The following ARHGAP15 variants were observed in gnomAD, a reference collection of about 807,000 sequenced individuals.
ARHGAP15 encodes the protein rho GTPase-activating protein 15.
ARHGAP15 carries 51 observed loss-of-function variants against 63.7 expected under a neutral mutation model. That is an observed-to-expected ratio of 0.80 (90% confidence interval 0.64 to 1.01). The LOEUF (loss-of-function observed/expected upper bound fraction) is 1.01, where lower values mean the gene tolerates loss of function less well. Ranked by LOEUF, ARHGAP15 falls within the 50% of genes least tolerant of loss-of-function variation. The probability of loss-of-function intolerance (pLI) is 0.00; values close to 1 mark genes in which losing one functional copy is unlikely to be tolerated. For synonymous variants in ARHGAP15, 191 were observed against 193.8 expected (o/e 0.99, Z 0.12); for missense variants, 560 against 564.6 (o/e 0.99, Z 0.08).
intron 6 of ARHGAP15, among the ~76,000 whole-genome samples, chr2:143,350,591 G>T (rs1685514403): frequency 6.6e-6 from 1 of 151,054 alleles, no homozygotes; most frequent in Non-Finnish European, 1.5e-5. Context: ...AGGCCGAGGG[G>T]GGTGGATCAC....
chr2:143,617,497 A>G (rs369234162), intron 11 of ARHGAP15, among the ~76,000 whole-genome samples: 2 of 152,266 alleles, frequency 1.3e-5, no homozygotes, highest in Admixed American at 6.5e-5. Flanking sequence ...GTGTCTTCAC[A>G]TGGTCTTTCC....
intron 6 of ARHGAP15, among the ~76,000 whole-genome samples, chr2:143,360,051 A>G (rs533819113): frequency 1.1e-4 from 17 of 152,216 alleles, no homozygotes; most frequent in Admixed American, 2.6e-4. Flanking sequence ...GAAAATTTCA[A>G]TGGTTATTTT....
chr2:143,655,065 CA>C (rs926639793), intron 12 of ARHGAP15, among the ~76,000 whole-genome samples: 3 of 152,094 alleles, frequency 2.0e-5, no homozygotes, highest in African/African-American at 7.2e-5. Flanking sequence ...GACTCTCCAT[CA>C]AAAAATGTTA....
chr2:143,179,927 A>G (rs1332222313), intron 2 of ARHGAP15, among the ~76,000 whole-genome samples: 1 of 152,018 alleles, frequency 6.6e-6, no homozygotes, highest in Non-Finnish European at 1.5e-5. Context: ...TTAAAGAAAT[A>G]TTATTGCTAA....
chr2:143,546,455 TA>T (rs1055158452), intron 10 of ARHGAP15, among the ~76,000 whole-genome samples: 18 of 148,374 alleles, frequency 1.2e-4, no homozygotes, highest in East Asian at 7.8e-4. Flanking sequence ...TTGCTAAAAT[TA>T]AAAAAAAAAG....
chr2:143,183,722 C>CTTTT (rs766431084), intron 2 of ARHGAP15, among the ~76,000 whole-genome samples: 1 of 139,932 alleles, frequency 7.1e-6, no homozygotes, highest in African/African-American at 2.6e-5. Flanking sequence ...TTTTTCTTTT[C>CTTTT]TTTTTTTTTT....
intron 13 of ARHGAP15, among the ~76,000 whole-genome samples, chr2:143,712,515 A>G (rs1684626506): frequency 6.6e-6 from 1 of 152,182 alleles, no homozygotes; most frequent in African/African-American, 2.4e-5. Context: ...CCTCCAAGGG[A>G]CCGTGTGAAC....
chr2:143,383,229 G>C (rs1389366696), intron 6 of ARHGAP15, among the ~76,000 whole-genome samples: 3 of 152,212 alleles, frequency 2.0e-5, no homozygotes, highest in Middle Eastern at 3.4e-3. Context: ...GCCTAAGAAG[G>C]CTTCAAAGTT....
At chr2:143,673,960 C>T (rs1054447021) in intron 12 of ARHGAP15, among the ~76,000 whole-genome samples, 3 of 150,826 alleles carry the variant, frequency 2.0e-5, no homozygotes, top group African/African-American at 7.3e-5. Flanking sequence ...TGAGTTTATA[C>T]CCACCAAAAA....
intron 5 of ARHGAP15, among the ~76,000 whole-genome samples, chr2:143,244,402 T>C (rs1390485275): frequency 1.3e-5 from 2 of 152,124 alleles, no homozygotes; most frequent in Non-Finnish European, 2.9e-5. Context: ...ATTCTCCCCA[T>C]GGATATTTTT....
intron 9 of ARHGAP15, among the ~76,000 whole-genome samples, chr2:143,503,780 A>G (rs186460535): frequency 1.1e-4 from 16 of 152,342 alleles, no homozygotes; most frequent in East Asian, 1.9e-4. Context: ...ATGAAGAGCT[A>G]TGCTTGCATT....
At chr2:143,450,518 C>A (rs1409238209) in intron 8 of ARHGAP15, among the ~76,000 whole-genome samples, 1 of 151,820 alleles carries the variant, frequency 6.6e-6, no homozygotes, top group Non-Finnish European at 1.5e-5. Flanking sequence ...AAAAAAAATT[C>A]TCTGACTCAA....
At chr2:143,507,906 T>C (rs1190830951) in intron 9 of ARHGAP15, among the ~76,000 whole-genome samples, 1 of 152,130 alleles carries the variant, frequency 6.6e-6, no homozygotes, top group Non-Finnish European at 1.5e-5. Flanking sequence ...CCAAGCACCA[T>C]CATCTCTTCC....
intron 9 of ARHGAP15, among the ~76,000 whole-genome samples, chr2:143,512,510 A>G (rs865948628): frequency 1.3e-5 from 2 of 152,340 alleles, no homozygotes; most frequent in South Asian, 2.1e-4. Flanking sequence ...GATATCTACC[A>G]TACTCTTCCT....
chr2:143,536,599 C>T (rs565083472), intron 10 of ARHGAP15, among the ~76,000 whole-genome samples: 2 of 150,460 alleles, frequency 1.3e-5, no homozygotes, highest in East Asian at 4.0e-4. Context: ...GTTCAATTCC[C>T]ACCTATGAAC....
chr2:143,551,549 T>C (rs1035565992), intron 10 of ARHGAP15, among the ~76,000 whole-genome samples: 1 of 152,210 alleles, frequency 6.6e-6, no homozygotes, highest in East Asian at 1.9e-4. Flanking sequence ...TATGGTTCAA[T>C]TTTGTATTTT....
intron 6 of ARHGAP15, among the ~76,000 whole-genome samples, chr2:143,275,174 G>T (rs1281351402): frequency 6.6e-6 from 1 of 151,934 alleles, no homozygotes; most frequent in Admixed American, 6.6e-5. Flanking sequence ...AAACAAAAAA[G>T]CAGAAACCAC....
intron 2 of ARHGAP15, among the ~76,000 whole-genome samples, chr2:143,189,170 A>C (rs1249149551): frequency 1.3e-5 from 2 of 152,188 alleles, no homozygotes; most frequent in Non-Finnish European, 2.9e-5. Flanking sequence ...AGTCAGTTTT[A>C]GAAGAGTCCA....
intron 8 of ARHGAP15, among the ~76,000 whole-genome samples, chr2:143,464,311 A>G (rs1215139064): frequency 6.6e-6 from 1 of 152,158 alleles, no homozygotes; most frequent in Admixed American, 6.6e-5. Flanking sequence ...TTATTTTAAT[A>G]GTGACCTAGT....
Sources: gnomAD v4.1 joint callset for allele counts (sites outside exome capture counted in the v4.1 genomes callset) on GRCh38, gnomAD v4.1.1 for gene constraint, MANE v1.5 for transcripts, NCBI Gene and HGNC (gene_info 2026-07-23, HGNC 2026-07-21) for gene names.